DAP3: variants seen among roughly 807,000 people sequenced by gnomAD.
DAP3 encodes death associated protein 3.
In DAP3, 28 loss-of-function variants were observed where a neutral mutation model predicts 51.9. That is an observed-to-expected ratio of 0.54 (90% CI 0.40 to 0.74). The LOEUF (loss-of-function observed/expected upper bound fraction) is 0.74. Ranked by LOEUF, DAP3 falls within the 30% of genes least tolerant of loss-of-function variation. The probability of loss-of-function intolerance (pLI) is 0.00; values close to 1 mark genes in which losing one functional copy is unlikely to be tolerated. For missense variants in DAP3, 458 were observed against 483.5 expected (o/e 0.95, Z 0.49); for synonymous variants, 170 against 170.3 (o/e 1.00, Z 0.01).
chr1:155,715,816 C>T (rs1403116715), intron 2 of DAP3, among the ~76,000 whole-genome samples: 4 of 152,140 alleles, frequency 2.6e-5, no homozygotes, highest in African/African-American at 9.7e-5. Flanking sequence ...TCAGAGGTTT[C>T]GGTGTACAGT....
Position 155,717,119 on chromosome 1 carries a change from G to A in DAP3, c.159G>A (p.Glu53=). The A allele has an allele frequency of 6.2e-7, 1 of 1,614,038 alleles. No individual in the cohort carries two copies. Among genetic ancestry groups the A allele is most frequent in the Non-Finnish European group, 8.5e-7 (1 of 1,180,004 alleles). The part of the protein sequence containing the change: ...ESPRAISRTN[E]NDPAKHGDQH... Reference sequence around the variant, plus strand: ...CGAGAGCTATTTCCCGCACCAATGAGAATGACCCGGTGAGTTACTAATATG... The same window carrying A: ...CGAGAGCTATTTCCCGCACCAATGAAAATGACCCGGTGAGTTACTAATATG... Residue 53 remains glutamate, a synonymous_variant, in exon 3 of 13, where the codon GAG becomes GAA. Transcript: ENST00000368336.
At chr1:155,718,704 A>AT (rs1224647864) in intron 3 of DAP3, among the ~76,000 whole-genome samples, 5 of 140,250 alleles carry the variant, frequency 3.6e-5, no homozygotes, top group East Asian at 2.0e-4. Flanking sequence ...AAAAAGAAAG[A>AT]AAGATAGATA....
chr1:155,723,513 G>C (rs1370543026), intron 4 of DAP3, among the ~76,000 whole-genome samples: 1 of 151,978 alleles, frequency 6.6e-6, no homozygotes, highest in Non-Finnish European at 1.5e-5. Flanking sequence ...ATTTTTAGTA[G>C]ACATGGGGAT....
rs1245793224 is a variant in DAP3, at chr1:155,738,836, G to T, written c.*594G>T. 1 of 152,096 alleles carries T rather than the reference G, an allele frequency of 6.6e-6. No individual in the cohort carries two copies. The highest frequency in any genetic ancestry group is 2.4e-5 in the African/African-American group (1 of 41,400). The allele number at this position is 152,096 out of a possible 1,614,324, so 9.4% of individuals were successfully genotyped here. A position where few individuals can be genotyped will look rare whatever the true frequency, so the allele number is the denominator to read the frequency against. On this transcript the variant is annotated 3_prime_UTR_variant, in exon 13 of 13. Coordinates refer to ENST00000368336, the MANE Select transcript of DAP3 (RefSeq NM_004632.4). ...AAAATACAAAAATTAGCCGGGCACGGTGGCATGCGCCTGTAATCCAAGCTA... is the reference window on the plus strand; with the variant it reads ...AAAATACAAAAATTAGCCGGGCACGTTGGCATGCGCCTGTAATCCAAGCTA...
chr1:155,688,875 C>T (rs374163667), upstream of DAP3: 9 of 1,609,330 alleles, frequency 5.6e-6, no homozygotes, highest in African/African-American at 8.0e-5. Flanking sequence ...GCGAGTCTGG[C>T]TTGCCGTTTG....
chr1:155,729,005 C>G, intron 7 of DAP3, 37 bp from the exon 8 acceptor site: 1 of 1,602,800 alleles, frequency 6.2e-7, no homozygotes, highest in Non-Finnish European at 8.5e-7. Flanking sequence ...GCCAAGTAGC[C>G]TTTTTTTTGG....
At chr1:155,692,777 A>G (rs1654009962) in intron 1 of DAP3, among the ~76,000 whole-genome samples, 1 of 142,248 alleles carries the variant, frequency 7.0e-6, no homozygotes, top group Non-Finnish European at 1.5e-5. Flanking sequence ...TTCCAATCAC[A>G]TTGCATTTGC....
chr1:155,727,582 T>C, intron 6 of DAP3, 26 bp from the exon 7 acceptor site: 1 of 1,606,628 alleles, frequency 6.2e-7, no homozygotes, highest in East Asian at 2.2e-5. Context: ...GCCTGGCTTG[T>C]TTTCTTCTGC....
Position 155,727,757 on chromosome 1 carries a change from G to T in DAP3, c.603+19G>T. 16 of 1,613,042 alleles carry T rather than the reference G, an allele frequency of 9.9e-6. No individual in the cohort carries two copies. The highest frequency in any genetic ancestry group is 1.3e-5 in the Non-Finnish European group (15 of 1,179,438). ...GAACCAGGTGACTAGACTCCCAGAA[G>T]TTGAGTGCTAGGTAGTCCTTACATG... On this transcript the variant is annotated intron_variant, in intron 7 of 12. Transcript: ENST00000368336.
rs1437091159 is a variant in DAP3, at chr1:155,729,267, G to C, written c.744G>C (p.Lys248Asn). ...DAVGIVLKEL[K>N]RQSSLGMFHL... ...TTGGAATTGTGCTGAAAGAGCTAAA[G>C]AGGCAAAGTTCTTTGGGTATGTTTC... Residue 248 changes from lysine to asparagine, a missense_variant, in exon 9 of 13, where the codon AAG becomes AAC. Lys to Asn is a moderately conservative substitution (Grantham distance 94). Coordinates refer to ENST00000368336, the MANE Select transcript of DAP3 (RefSeq NM_004632.4). 1.2e-6 allele frequency: 2 copies of C among 1,614,070 alleles called. No homozygotes were observed. Among genetic ancestry groups the C allele is most frequent in the Non-Finnish European group, 1.7e-6 (2 of 1,180,044 alleles).
At chr1:155,732,799 C>T (rs1571567383) in intron 11 of DAP3, among the ~76,000 whole-genome samples, 1 of 151,666 alleles carries the variant, frequency 6.6e-6, no homozygotes, top group Non-Finnish European at 1.5e-5. Flanking sequence ...CCGAGGCAGG[C>T]GGATCATGAG....
intron 1 of DAP3, among the ~76,000 whole-genome samples, chr1:155,707,110 C>G (rs1029907038): frequency 8.1e-6 from 1 of 123,606 alleles, no homozygotes; most frequent in African/African-American, 3.0e-5. Flanking sequence ...CAAAACAAAA[C>G]AAACAAAAAA....
At chr1:155,721,400 G>GTGTATATATATATGTATGTATGTATATA (rs1557786245) in intron 3 of DAP3, 117 bp from the exon 4 acceptor site, 1 of 376,370 alleles carries the variant, frequency 2.7e-6, no homozygotes, top group African/African-American at 2.0e-5. Context: ...ATGTATGTAT[G>GTGTATATATATATGTATGTATGTATATA]TATATATATA....
chr1:155,705,565 TGCACCCCATCCTGG>T (rs1376401813), intron 1 of DAP3, among the ~76,000 whole-genome samples: 2 of 146,896 alleles, frequency 1.4e-5, no homozygotes, highest in Non-Finnish European at 3.0e-5. Context: ...ATCTTGCCAT[TGCACCCCATCCTGG>T]GCAATGGAGC....
At chr1:155,717,704 A>G (rs1317499125) in intron 3 of DAP3, among the ~76,000 whole-genome samples, 1 of 152,246 alleles carries the variant, frequency 6.6e-6, no homozygotes, top group African/African-American at 2.4e-5. Context: ...GGGCAGGTTC[A>G]GAACCCAATT....
chr1:155,694,042 T>C (rs1343599448), intron 1 of DAP3, among the ~76,000 whole-genome samples: 4 of 141,960 alleles, frequency 2.8e-5, no homozygotes, highest in Non-Finnish European at 5.9e-5. Context: ...TTGAGGTTGT[T>C]GACACCTCTC....
chr1:155,736,262 G>A (rs1446071323), intron 11 of DAP3, among the ~76,000 whole-genome samples: 5 of 152,186 alleles, frequency 3.3e-5, no homozygotes, highest in Non-Finnish European at 7.4e-5. Context: ...AAAGTGCTGG[G>A]ATTACCAGCA....
intron 11 of DAP3, 92 bp from the exon 12 acceptor site, chr1:155,736,854 A>C: frequency 9.5e-7 from 1 of 1,056,456 alleles, no homozygotes; most frequent in Non-Finnish European, 1.5e-6. Flanking sequence ...AAGAAAAACA[A>C]ATACCTTACC....
chr1:155,720,084 A>C (rs892901070), intron 3 of DAP3, among the ~76,000 whole-genome samples: 1 of 143,582 alleles, frequency 7.0e-6, no homozygotes, highest in Admixed American at 6.9e-5. Flanking sequence ...CAACACTGAG[A>C]GGCCAAAGTG....
Sources: gnomAD v4.1 joint callset for allele counts (sites outside exome capture counted in the v4.1 genomes callset) on GRCh38, gnomAD v4.1.1 for gene constraint, MANE v1.5 for transcripts, NCBI Gene and HGNC (gene_info 2026-07-23, HGNC 2026-07-21) for gene names.